BARX2: variants seen among roughly 807,000 people sequenced by gnomAD.
The protein encoded by BARX2 is BARX homeobox 2.
In BARX2, 11 loss-of-function variants were observed where a neutral mutation model predicts 25.5. The observed-to-expected ratio is 0.43, with a 90% CI of 0.27 to 0.71. The LOEUF (loss-of-function observed/expected upper bound fraction) is 0.71. Ranked by LOEUF, BARX2 falls within the 30% of genes least tolerant of loss-of-function variation. BARX2 has a pLI of 0.19. For missense variants in BARX2, 360 were observed against 359.9 expected, an observed-to-expected ratio of 1.00 and a Z score of 0.00; for synonymous variants, 137 against 149.5, an observed-to-expected ratio of 0.92 and a Z score of 0.61.
intron 1 of BARX2, among the ~76,000 whole-genome samples, chr11:129,407,927 C>T (rs575690105): frequency 2.1e-5 from 3 of 143,908 alleles, no homozygotes; most frequent in South Asian, 2.3e-4. Flanking sequence ...ACAGGCTGGG[C>T]GCGGTGGCTC....
chr11:129,378,715 G>T (rs1239423163), intron 1 of BARX2, among the ~76,000 whole-genome samples: 1 of 150,658 alleles, frequency 6.6e-6, no homozygotes, highest in Non-Finnish European at 1.5e-5. Flanking sequence ...ATTTAAAGAC[G>T]TGTAACAGAA....
intron 1 of BARX2, among the ~76,000 whole-genome samples, chr11:129,423,269 A>T (rs1565517917): frequency 1.3e-5 from 2 of 151,816 alleles, no homozygotes; most frequent in Non-Finnish European, 1.5e-5. Flanking sequence ...GGCACCTGCC[A>T]CCACGCCCGG....
At chr11:129,446,555 T>C (rs896896770) in intron 3 of BARX2, among the ~76,000 whole-genome samples, 5 of 152,194 alleles carry the variant, frequency 3.3e-5, no homozygotes, top group African/African-American at 1.2e-4. Flanking sequence ...CCGTTATTAT[T>C]ATCATTATTA....
rs1018441282 is a variant in BARX2, at chr11:129,394,680, A to G, written c.187+18458A>G. The stretch of plus-strand genomic sequence containing the variant: ...AAAATGAATTTTAAAATATTAAATA[A>G]TTTTAGTTAGAATGTGAAGTACTTC... On this transcript the variant is annotated intron_variant, in intron 1 of 3. Transcript: ENST00000281437. Among the ~76,000 whole-genome samples, 11 of 152,242 alleles carry G rather than the reference A, an allele frequency of 7.2e-5. No individual in the cohort carries two copies. In the East Asian group the frequency reaches 1.9e-3, roughly 27 times the overall value.
At position 129,383,723 on chromosome 11, in the gene BARX2, G is replaced by A. The variant is rs191329021; in HGVS notation, c.187+7501G>A. Among the ~76,000 whole-genome samples the A allele has an allele frequency of 1.9e-3, 291 of 152,272 alleles. 1 individual carries two copies. Among genetic ancestry groups the A allele is most frequent in the South Asian group, 4.6e-3 (22 of 4,826 alleles). On this transcript the variant is annotated intron_variant, in intron 1 of 3. Coordinates refer to ENST00000281437, the MANE Select transcript of BARX2 (RefSeq NM_003658.5). ...CGACTGAAGAGAAGCCAAGCTGGGA[G>A]GATCTCAGCACCAAACTAACTACGT...
rs754642612 is a variant in BARX2, at chr11:129,436,978, A to G, written c.415A>G (p.Ile139Val). 8 of 1,610,168 alleles carry G rather than the reference A, an allele frequency of 5.0e-6. No individual in the cohort carries two copies. The highest frequency in any genetic ancestry group is 6.8e-6 in the Non-Finnish European group (8 of 1,177,366). The change falls in exon 2 of 4, where the codon ATC becomes GTC. Residue 139 changes from isoleucine to valine, a missense_variant. By Grantham distance (29) the Ile-to-Val change is conservative. This residue lies in a region of BARX2 where 240 missense variants were observed against 228.7 expected (regional missense o/e 1.05). Transcript: ENST00000281437. The surrounding 1 kb of genome is among the most constrained non-coding windows in gnomAD (Gnocchi z 4.5). ...GAAGAAGCCCCGCCGGAGTCGCACC[A>G]TCTTCACCGAGCTGCAGCTCATGGG... ...RQKKPRRSRT[I>V]FTELQLMGLE...
chr11:129,440,459 G>GC (rs1204926867), intron 2 of BARX2, among the ~76,000 whole-genome samples: 1 of 152,262 alleles, frequency 6.6e-6, no homozygotes, highest in Non-Finnish European at 1.5e-5. Flanking sequence ...CTGTGGGGTG[G>GC]CCCCCTGGGT....
chr11:129,387,637 T>G (rs1187047611), intron 1 of BARX2, among the ~76,000 whole-genome samples: 1 of 152,204 alleles, frequency 6.6e-6, no homozygotes, highest in Non-Finnish European at 1.5e-5. Flanking sequence ...CTCAGCACAT[T>G]AGACAGCTGT....
At chr11:129,420,741 T>A (rs1861995499) in intron 1 of BARX2, among the ~76,000 whole-genome samples, 2 of 152,248 alleles carry the variant, frequency 1.3e-5, no homozygotes, top group Non-Finnish European at 1.5e-5. Flanking sequence ...GCATTAATAT[T>A]TTGTTCTTTG....
intron 1 of BARX2, among the ~76,000 whole-genome samples, chr11:129,388,018 A>G (rs1367428489): frequency 6.6e-6 from 1 of 151,776 alleles, no homozygotes; most frequent in African/African-American, 2.4e-5. Flanking sequence ...TTCAATATAG[A>G]CTCCAGTACT....
intron 2 of BARX2, among the ~76,000 whole-genome samples, chr11:129,441,484 C>T (rs1000627777): frequency 6.6e-5 from 10 of 152,150 alleles, no homozygotes; most frequent in African/African-American, 2.4e-4. Context: ...TGTCTCACTC[C>T]ATTGCCTAGG....
chr11:129,401,642 G>A (rs1861776441), intron 1 of BARX2, among the ~76,000 whole-genome samples: 2 of 152,148 alleles, frequency 1.3e-5, no homozygotes, highest in African/African-American at 4.8e-5. Context: ...TGTAGGTAGA[G>A]ACTTGTGATA....
chr11:129,440,633 G>A (rs992887092), intron 2 of BARX2, among the ~76,000 whole-genome samples: 2 of 152,236 alleles, frequency 1.3e-5, no homozygotes, highest in African/African-American at 2.4e-5. Flanking sequence ...AGGGATGTGA[G>A]TACTGATTTA....
chr11:129,384,158 C>T (rs939660834), intron 1 of BARX2, among the ~76,000 whole-genome samples: 1 of 152,118 alleles, frequency 6.6e-6, no homozygotes, highest in Admixed American at 6.5e-5. Flanking sequence ...CCGCACCCGG[C>T]CAGATGAGTA....
At chr11:129,412,846 A>G (rs1861904139) in intron 1 of BARX2, among the ~76,000 whole-genome samples, 1 of 152,204 alleles carries the variant, frequency 6.6e-6, no homozygotes, top group African/African-American at 2.4e-5. Context: ...AGTGCCAATG[A>G]TGTGTCTGGC....
At chr11:129,402,918 G>A (rs914336196) in intron 1 of BARX2, among the ~76,000 whole-genome samples, 31 of 152,234 alleles carry the variant, frequency 2.0e-4, no homozygotes, top group Admixed American at 1.6e-3. Flanking sequence ...TTCCAGGAAG[G>A]AAGTGATTCA....
intron 1 of BARX2, among the ~76,000 whole-genome samples, chr11:129,393,356 G>A (rs1420554359): frequency 6.6e-6 from 1 of 152,100 alleles, no homozygotes; most frequent in African/African-American, 2.4e-5. Context: ...GAAAAGTATG[G>A]TGCTGGGTAC....
At chr11:129,400,135 A>G (rs997329447) in intron 1 of BARX2, among the ~76,000 whole-genome samples, 2 of 152,186 alleles carry the variant, frequency 1.3e-5, no homozygotes, top group Non-Finnish European at 2.9e-5. Context: ...GAGAAGTAGA[A>G]GTTTAACTCA....
intron 1 of BARX2, among the ~76,000 whole-genome samples, chr11:129,402,251 C>A (rs73024954): frequency 6.6e-6 from 1 of 151,928 alleles, no homozygotes; most frequent in African/African-American, 2.4e-5. Flanking sequence ...GGCTTGAATT[C>A]TCAGTCCCTT....
Sources: allele counts gnomAD v4.1 joint callset (sites outside exome capture counted in the v4.1 genomes callset), GRCh38; gene constraint gnomAD v4.1.1; regional missense constraint gnomAD v4.1.1; non-coding constraint Gnocchi (gnomAD v3.1); transcripts MANE v1.5; gene names NCBI Gene and HGNC (gene_info 2026-07-23, HGNC 2026-07-21).